Variants in NHLRC3 observed in about 807,000 individuals in gnomAD.
The protein encoded by NHLRC3 is NHL repeat-containing protein 3.
A neutral mutation model predicts 32.0 loss-of-function variants in NHLRC3; 23 were observed. That is an observed-to-expected ratio of 0.72 (90% confidence interval 0.52 to 1.02). The LOEUF is 1.02. NHLRC3 is among the 50% of genes least tolerant of loss of function. NHLRC3 has a pLI of 0.00. For synonymous variants in NHLRC3, 159 were observed against 147.9 expected (o/e 1.08, Z -0.55); for missense variants, 407 against 406.8 (o/e 1.00, Z -0.01).
At chr13:39,044,868 G>T (rs910703835) in intron 5 of NHLRC3, among the ~76,000 whole-genome samples, 1 of 152,146 alleles carries the variant, frequency 6.6e-6, no homozygotes, top group African/African-American at 2.4e-5. Flanking sequence ...TCCTATAGCA[G>T]CCTGTACTTC....
chr13:39,039,602 G>T lies in NHLRC3; in HGVS notation c.276G>T (p.Glu92Asp), dbSNP rs1871371124. The T allele has an allele frequency of 3.7e-6, 6 of 1,611,970 alleles. No individual in the cohort carries two copies. In the African/African-American group the frequency reaches 5.3e-5, roughly 14 times the overall value. The stretch of plus-strand genomic sequence containing the variant: ...TCCCAAAGATATTAGTGTTCACAGA[G>T]GATGGATATTTCCTACGAGCCTGGA... ...DNIPKILVFT[E>D]DGYFLRAWNY... The change falls in exon 3 of 7, where the codon GAG becomes GAT. Residue 92 changes from glutamate (E) to aspartate (D), a missense_variant. Glu to Asp is a conservative substitution (Grantham distance 45). Transcript: ENST00000379600.
intron 4 of NHLRC3, 135 bp from the exon 5 acceptor site, chr13:39,043,955 C>A: frequency 4.4e-6 from 3 of 681,082 alleles, no homozygotes; most frequent in East Asian, 2.6e-5. Context: ...GGCATATAGA[C>A]AGGAAAGCCG....
chr13:39,048,331 T>C lies in NHLRC3; in HGVS notation c.*405T>C, dbSNP rs1871769583. On this transcript the variant is annotated 3_prime_UTR_variant, in exon 7 of 7. Coordinates refer to ENST00000379600, the MANE Select transcript of NHLRC3 (RefSeq NM_001012754.4). ...AACATAAAATGAGCTGCTTGAGAGA[T>C]TGTAAATAAGATGAACTATTGATTA... is the stretch of plus-strand genomic sequence containing the variant. 6.4e-6 allele frequency: 1 copy of C among 157,020 alleles called. No individual in the cohort carries two copies. The highest frequency in any genetic ancestry group is 1.4e-5 in the Non-Finnish European group (1 of 70,928). The allele number at this position is 157,020 out of a possible 1,614,324, so 9.7% of individuals were successfully genotyped here.
rs1451097846 is a variant in NHLRC3 at position 39,048,727 on chromosome 13, T to A, written c.*801T>A. ...CAACTTGGCTTCTGTCCATTACCTA[T>A]AAGATATTTAATGTCAGTCAGCCTT... is the stretch of plus-strand genomic sequence containing the variant. On this transcript the variant is annotated 3_prime_UTR_variant, in exon 7 of 7. Transcript: ENST00000379600. 1 of 152,212 alleles carries A rather than the reference T, an allele frequency of 6.6e-6. No homozygotes were observed. The highest frequency in any genetic ancestry group is 2.4e-5 in the African/African-American group (1 of 41,456). The allele number at this position is 152,212 out of a possible 1,614,324, so 9.4% of individuals were successfully genotyped here.
chr13:39,047,794 A>G lies in NHLRC3; in HGVS notation c.912A>G (p.Leu304=). 6.2e-7 allele frequency: 1 copy of G among 1,614,168 alleles called. No individual in the cohort carries two copies. Among genetic ancestry groups the G allele is most frequent in the Non-Finnish European group, 8.5e-7 (1 of 1,180,032 alleles). The change falls in exon 7 of 7, where the codon CTA becomes CTG. Residue 304 remains leucine, a synonymous_variant. Coordinates refer to ENST00000379600, the MANE Select transcript of NHLRC3 (RefSeq NM_001012754.4). ...GTTCTGTGATCAGCACAATCCAACT[A>G]GCAGATCAAGTTTTGCCACATCTCC... ...GECSVISTIQ[L]ADQVLPHLLE...
At chr13:39,040,891 A>G (rs1216079612) in intron 3 of NHLRC3, 5 of 152,196 alleles carry the variant, frequency 3.3e-5, no homozygotes, top group African/African-American at 1.2e-4. Context: ...TTTACATAGT[A>G]TGAATCTGGT....
At chr13:39,040,522 T>TAA (rs1221764151) in intron 3 of NHLRC3, 23 of 152,172 alleles carry the variant, frequency 1.5e-4, no homozygotes, top group Admixed American at 4.6e-4. Context: ...ATATTTTTAG[T>TAA]AGAAAAAGCT....
chr13:39,044,261 GTGTGTGTC>G (rs1593552867), intron 5 of NHLRC3, 80 bp downstream of exon 5: 5 of 966,972 alleles, frequency 5.2e-6, no homozygotes, highest in Non-Finnish European at 6.7e-6. Context: ...GTGTGTGTGT[GTGTGTGTC>G]TGGGCATGTA....
At position 39,046,998 on chromosome 13, in the gene NHLRC3, C is replaced by A. The variant is rs183746445; in HGVS notation, c.679-42C>A. ...TAAACATTCTTTTCCCTTTTTTCTT[C>A]TCATGGATATTTTTCAATTGACATT... On this transcript the variant is annotated intron_variant, in intron 5 of 6. Coordinates refer to ENST00000379600, the MANE Select transcript of NHLRC3 (RefSeq NM_001012754.4). The A allele has an allele frequency of 4.2e-6, 5 of 1,182,242 alleles. No homozygotes were observed. The African/African-American group carries it at 7.6e-5, about 18-fold the overall frequency. The allele number at this position is 1,182,242 out of a possible 1,614,324, so 73.2% of individuals were successfully genotyped here. A position where few individuals can be genotyped will look rare whatever the true frequency, so the allele number is the denominator to read the frequency against.
At chr13:39,039,078 C>CCCCTT in intron 1 of NHLRC3, 58 bp from the exon 2 acceptor site, 1 of 1,038,070 alleles carries the variant, frequency 9.6e-7, no homozygotes, top group Non-Finnish European at 1.4e-6. Context: ...CCCCCCCGCC[C>CCCCTT]TTTTTTTGTT....
rs1391069731 is a variant in NHLRC3, at chr13:39,039,088, T to C, written c.85-48T>C. ...CCCGGCCCCCCCGCCCTTTTTTTGT[T>C]CTTACCTAGACGGTAAACTAAATCT... On this transcript the variant is annotated intron_variant, in intron 1 of 6. Coordinates refer to ENST00000379600, the MANE Select transcript of NHLRC3 (RefSeq NM_001012754.4). 4 of 1,324,188 alleles carry C rather than the reference T, an allele frequency of 3.0e-6. No individual in the cohort carries two copies. In the South Asian group the frequency reaches 5.1e-5, roughly 17 times the overall value. The allele number at this position is 1,324,188 out of a possible 1,614,324, so 82.0% of individuals were successfully genotyped here.
At chr13:39,044,831 T>C (rs1871608561) in intron 5 of NHLRC3, among the ~76,000 whole-genome samples, 1 of 152,192 alleles carries the variant, frequency 6.6e-6, no homozygotes, top group Non-Finnish European at 1.5e-5. Flanking sequence ...CACCAAAAAA[T>C]TTGTATATTA....
At position 39,047,772 on chromosome 13, in the gene NHLRC3, C is replaced by G. The variant is rs1348756882; in HGVS notation, c.890C>G (p.Ser297Cys). Residue 297 changes from serine to cysteine, a missense_variant, in exon 7 of 7, where the codon TCT (serine) becomes TGT (cysteine). By Grantham distance (112) the Ser-to-Cys change is moderately radical. Coordinates refer to ENST00000379600, the MANE Select transcript of NHLRC3 (RefSeq NM_001012754.4). Reference sequence around the variant, plus strand: ...CCAGTGGGAAGCATTGGGGAGTGTTCTGTGATCAGCACAATCCAACTAGCA... The same window carrying G: ...CCAGTGGGAAGCATTGGGGAGTGTTGTGTGATCAGCACAATCCAACTAGCA... ...APPVGSIGEC[S>C]VISTIQLADQ... 1 of 1,614,124 alleles carries G rather than the reference C, an allele frequency of 6.2e-7. No homozygotes were observed. Among genetic ancestry groups the G allele is most frequent in the Admixed American group, 1.7e-5 (1 of 60,016 alleles).
In NHLRC3 at chr13:39,042,037, C is replaced by T. The variant is rs1871483007; in HGVS notation, c.386-68C>T. On this transcript the variant is annotated intron_variant, in intron 3 of 6. Transcript: ENST00000379600. The stretch of plus-strand genomic sequence containing the variant: ...ACTTCTATCAAATTTTTGCTCTTAG[C>T]TTACTTGAAAAATCTGAATGTTTGT... 5 of 945,218 alleles carry T rather than the reference C, an allele frequency of 5.3e-6. No homozygotes were observed. In the East Asian group the frequency reaches 1.2e-4, roughly 23 times the overall value. 58.6% of individuals were successfully genotyped at this position (945,218 alleles called of 1,614,324 possible). A position where few individuals can be genotyped will look rare whatever the true frequency, so the allele number is the denominator to read the frequency against.
At chr13:39,039,078 C>CGCT in intron 1 of NHLRC3, 58 bp from the exon 2 acceptor site, 1 of 1,038,074 alleles carries the variant, frequency 9.6e-7, no homozygotes, top group Non-Finnish European at 1.4e-6. Context: ...CCCCCCCGCC[C>CGCT]TTTTTTTGTT....
At chr13:39,043,724 A>G (rs2138153885) in intron 4 of NHLRC3, among the ~76,000 whole-genome samples, 1 of 152,310 alleles carries the variant, frequency 6.6e-6, no homozygotes, top group Middle Eastern at 3.4e-3. Context: ...ATAGACGGTA[A>G]AATCATAATG....
Position 39,048,271 on chromosome 13 carries a change from A to G in NHLRC3, c.*345A>G, listed in dbSNP as rs1871767172. Reference sequence around the variant, plus strand: ...CTTGCATGATAATTTATTAAATTTCATGTGAAGAACTCCAGACCTCCAGAT... The same window carrying G: ...CTTGCATGATAATTTATTAAATTTCGTGTGAAGAACTCCAGACCTCCAGAT... On this transcript the variant is annotated 3_prime_UTR_variant, in exon 7 of 7. Transcript: ENST00000379600. 1.7e-5 allele frequency: 3 copies of G among 174,342 alleles called. No homozygotes were observed. The South Asian group carries it at 4.5e-4, about 26-fold the overall frequency. The allele number at this position is 174,342 out of a possible 1,614,324, so 10.8% of individuals were successfully genotyped here.
At chr13:39,039,086 G>C in intron 1 of NHLRC3, 50 bp from the exon 2 acceptor site, 1 of 387,958 alleles carries the variant, frequency 2.6e-6, no homozygotes, top group South Asian at 2.5e-5. Flanking sequence ...CCCTTTTTTT[G>C]TTCTTACCTA....
Position 39,042,146 on chromosome 13 carries a change from G to T in NHLRC3, c.427G>T (p.Asp143Tyr). The change falls in exon 4 of 7, where the codon GAT becomes TAT. Residue 143 changes from aspartate (D) to tyrosine (Y), a missense_variant. Transcript: ENST00000379600. ...TGTTAAAAAATACAGTTCTTTTGGT[G>T]ATCTTGTTCAAGTCTTGGGTACTCC... ...HTVKKYSSFG[D>Y]LVQVLGTPGK... 5.6e-6 allele frequency: 9 copies of T among 1,611,530 alleles called. No homozygotes were observed. Among genetic ancestry groups the T allele is most frequent in the Non-Finnish European group, 7.6e-6 (9 of 1,177,876 alleles).
Sources: allele counts gnomAD v4.1 joint callset (sites outside exome capture counted in the v4.1 genomes callset), GRCh38; gene constraint gnomAD v4.1.1; transcripts MANE v1.5; gene names NCBI Gene and HGNC (gene_info 2026-07-23, HGNC 2026-07-21).